ARHGEF11: variants seen among roughly 807,000 people sequenced by gnomAD.
The protein encoded by ARHGEF11 is Rho guanine nucleotide exchange factor 11, also known as Rho guanine exchange factor (GEF) 11.
Under a neutral mutation model 193.7 loss-of-function variants are expected in ARHGEF11, and 55 were observed. That is an observed-to-expected ratio of 0.28 (90% CI 0.23 to 0.36). The LOEUF is 0.36. Among genes scored for constraint, ARHGEF11 ranks in the 10% least tolerant of loss-of-function variants. The pLI, the probability that ARHGEF11 is intolerant of heterozygous loss-of-function variation, is 1.00. For synonymous variants in ARHGEF11, 693 were observed against 768.0 expected, an observed-to-expected ratio of 0.90 and a Z score of 1.62; for missense variants, 1,723 against 2,005.6, an observed-to-expected ratio of 0.86 and a Z score of 2.69.
At chr1:157,037,330 ATATCAGAATTCTCTCTTT>A (rs1672168412) in intron 1 of ARHGEF11, among the ~76,000 whole-genome samples, 1 of 152,120 alleles carries the variant, frequency 6.6e-6, no homozygotes, top group Non-Finnish European at 1.5e-5. Context: ...CTATATATTA[ATATCAGAATTCTCTCTTT>A]AAACACTATG....
At chr1:156,938,590 A>G in intron 37 of ARHGEF11, 77 bp from the exon 38 acceptor site, 1 of 1,431,972 alleles carries the variant, frequency 7.0e-7, no homozygotes, top group South Asian at 1.2e-5. Context: ...AACAGGAAGG[A>G]GAGAGGGCAG....
rs1364759696 is a variant in ARHGEF11 at position 156,978,346 on chromosome 1, G to A, written c.368C>T (p.Ser123Leu). Residue 123 changes from serine to leucine, a missense_variant, in exon 6 of 41, where the codon TCA becomes TTA. Physicochemically the swap from Ser to Leu is moderately radical, Grantham distance 145 (BLOSUM62 -2). Coordinates refer to ENST00000368194, the MANE Select transcript of ARHGEF11 (RefSeq NM_198236.3). ...AYVALTLLGS[S>L]PSSMGISGLQ... ...CCCAGAGATGCCCATGGATGAAGGT[G>A]AAGAGCCCAGGAGGGTGAGTGCGAC... 5.6e-6 allele frequency: 9 copies of A among 1,613,048 alleles called. No homozygotes were observed. The highest frequency in any genetic ancestry group is 1.7e-5 in the Admixed American group (1 of 59,908).
intron 21 of ARHGEF11, among the ~76,000 whole-genome samples, chr1:156,954,076 G>A (rs1659534618): frequency 6.6e-6 from 1 of 151,862 alleles, no homozygotes; most frequent in Non-Finnish European, 1.5e-5. Flanking sequence ...TATTTTAACT[G>A]AAAACAAAAA....
At chr1:156,976,197 T>G (rs6695497) in intron 7 of ARHGEF11, among the ~76,000 whole-genome samples, 29,629 of 152,084 alleles carry the variant, frequency 0.19, 3,023 homozygotes, top group East Asian at 0.33. Context: ...TTCATATCTT[T>G]GTGCCTTTGA....
intron 1 of ARHGEF11, among the ~76,000 whole-genome samples, chr1:156,999,432 T>A (rs1478920662): frequency 6.6e-6 from 1 of 152,008 alleles, no homozygotes; most frequent in Non-Finnish European, 1.5e-5. Context: ...CTTTCTTAAT[T>A]CTGCTTGATT....
intron 1 of ARHGEF11, among the ~76,000 whole-genome samples, chr1:157,036,397 C>G (rs1011620210): frequency 7.2e-5 from 11 of 151,914 alleles, no homozygotes; most frequent in Non-Finnish European, 8.8e-5. Context: ...TCTCAGCTCC[C>G]TGCAACCTCT....
Position 157,044,340 on chromosome 1 carries a change from G to T in ARHGEF11, c.-10C>A. The T allele has an allele frequency of 6.2e-7, 1 of 1,613,492 alleles. No individual in the cohort carries two copies. Among genetic ancestry groups the T allele is most frequent in the Non-Finnish European group, 8.5e-7 (1 of 1,179,794 alleles). ...GTAACCTTACACTCATGGTTTCTCGGTGTCTCCACGGTTCCAGAATCCTGT... is the reference window on the plus strand; with the variant it reads ...GTAACCTTACACTCATGGTTTCTCGTTGTCTCCACGGTTCCAGAATCCTGT... On this transcript the variant is annotated 5_prime_UTR_variant, in exon 1 of 41. Coordinates refer to ENST00000368194, the MANE Select transcript of ARHGEF11 (RefSeq NM_198236.3).
At chr1:156,995,874 T>C (rs1049580349) in intron 1 of ARHGEF11, among the ~76,000 whole-genome samples, 9 of 152,088 alleles carry the variant, frequency 5.9e-5, no homozygotes, top group Admixed American at 5.2e-4. Context: ...GTCTGCTCTT[T>C]TCCCATTTAA....
intron 18 of ARHGEF11, 113 bp downstream of exon 18, chr1:156,957,679 T>A: frequency 2.5e-6 from 3 of 1,196,484 alleles, no homozygotes; most frequent in Non-Finnish European, 3.7e-6. Context: ...CGGTCCTTCA[T>A]GGTTGTACAA....
chr1:156,936,964 C>G lies in ARHGEF11; in HGVS notation c.4482G>C (p.Gly1494=). The change falls in exon 40 of 41, where the codon GGG becomes GGC. Residue 1494 remains glycine (G), a synonymous_variant. Transcript: ENST00000368194. ...LAHRELLKSL[G]GESSGGTTPV... ...GCGTGGTGCCACCAGATGACTCTCC[C>G]CCAAGGGACTTGAGCAGCTCTCTGT... 6.2e-7 allele frequency: 1 copy of G among 1,614,164 alleles called. No homozygotes were observed. Among genetic ancestry groups the G allele is most frequent in the Non-Finnish European group, 8.5e-7 (1 of 1,180,010 alleles).
intron 6 of ARHGEF11, among the ~76,000 whole-genome samples, chr1:156,977,736 T>C (rs1030484978): frequency 6.6e-6 from 1 of 152,176 alleles, no homozygotes; most frequent in Non-Finnish European, 1.5e-5. Context: ...TGTCCTTTTC[T>C]GGTCCCTCCC....
chr1:156,974,133 G>A (rs925258601), intron 7 of ARHGEF11, among the ~76,000 whole-genome samples: 42 of 151,796 alleles, frequency 2.8e-4, no homozygotes, highest in Admixed American at 2.4e-3. Context: ...GCAGTGGTGC[G>A]ATTATAGCTT....
chr1:156,959,987 C>T (rs1354397717), intron 15 of ARHGEF11, among the ~76,000 whole-genome samples: 2 of 135,566 alleles, frequency 1.5e-5, no homozygotes, highest in Non-Finnish European at 3.1e-5. Flanking sequence ...TCCAACTCTG[C>T]AGGGAGGATG....
At chr1:156,987,967 C>T (rs549165168) in intron 1 of ARHGEF11, among the ~76,000 whole-genome samples, 9 of 152,322 alleles carry the variant, frequency 5.9e-5, no homozygotes, top group African/African-American at 2.2e-4. Flanking sequence ...AGCTTTCTAA[C>T]ATCCAAATTT....
chr1:157,008,339 G>A (rs949199097), intron 1 of ARHGEF11, among the ~76,000 whole-genome samples: 2 of 151,878 alleles, frequency 1.3e-5, no homozygotes, highest in Non-Finnish European at 2.9e-5. Flanking sequence ...GCTAAGTCAT[G>A]AGAGTAGGGC....
intron 1 of ARHGEF11, among the ~76,000 whole-genome samples, chr1:156,995,195 C>T (rs1254235792): frequency 6.6e-6 from 1 of 152,220 alleles, no homozygotes; most frequent in African/African-American, 2.4e-5. Flanking sequence ...CATTCTTACA[C>T]ACAGAGTGAT....
intron 1 of ARHGEF11, among the ~76,000 whole-genome samples, chr1:157,023,303 A>G (rs1053310585): frequency 7.9e-5 from 12 of 152,212 alleles, no homozygotes; most frequent in Admixed American, 7.8e-4. Context: ...AAAGGGACGA[A>G]TAACTTAAAT....
intron 1 of ARHGEF11, among the ~76,000 whole-genome samples, chr1:157,035,656 T>C (rs1316359513): frequency 6.6e-6 from 1 of 151,644 alleles, no homozygotes; most frequent in Non-Finnish European, 1.5e-5. Context: ...AGTTAGTCAC[T>C]CAGCTGGGGC....
At chr1:156,942,366 G>A (rs1341402951) in intron 33 of ARHGEF11, among the ~76,000 whole-genome samples, 3 of 152,228 alleles carry the variant, frequency 2.0e-5, no homozygotes, top group Admixed American at 1.3e-4. Flanking sequence ...AACATGGGCT[G>A]GGTGGGAGGC....
Sources: gnomAD v4.1 joint callset for allele counts (sites outside exome capture counted in the v4.1 genomes callset) on GRCh38, gnomAD v4.1.1 for gene constraint, MANE v1.5 for transcripts, NCBI Gene and HGNC (gene_info 2026-07-23, HGNC 2026-07-21) for gene names.